The following SSBP2 variants were observed in gnomAD, a reference collection of about 807,000 sequenced individuals.
SSBP2 encodes single stranded DNA binding protein 2.
Under a neutral mutation model 61.8 loss-of-function variants are expected in SSBP2, and 17 were observed. The ratio of observed to expected loss-of-function variants is 0.28; its 90% CI spans 0.19 to 0.41. SSBP2 has a LOEUF of 0.41. Ranked by LOEUF, SSBP2 falls within the 10% of genes least tolerant of loss-of-function variation. The pLI is 1.00. For synonymous variants in SSBP2, 139 were observed against 141.3 expected, an observed-to-expected ratio of 0.98 and a Z score of 0.12; for missense variants, 310 against 458.7, an observed-to-expected ratio of 0.68 and a Z score of 2.96.
intron 4 of SSBP2, among the ~76,000 whole-genome samples, chr5:81,528,367 T>C (rs1470331943): frequency 6.6e-6 from 1 of 152,078 alleles, no homozygotes; most frequent in Non-Finnish European, 1.5e-5. Flanking sequence ...TAGTTGATAC[T>C]TGCTTCACTA....
intron 4 of SSBP2, among the ~76,000 whole-genome samples, chr5:81,602,194 C>A (rs1188135517): frequency 6.6e-6 from 1 of 152,094 alleles, no homozygotes; most frequent in Non-Finnish European, 1.5e-5. Context: ...TGTTTTCTGC[C>A]TACAGAAGTT....
rs759194938 is a variant in SSBP2 at position 81,650,330 on chromosome 5, G to C, written c.72C>G (p.Leu24=). ...CATGGAGCAGATATTCATATACGTA[G>C]AGTGCTAACCTGGAAAACAAATAAA... Residue 24 remains leucine (L), a synonymous_variant, in exon 2 of 17, where the codon CTC becomes CTG. Coordinates refer to ENST00000320672, the MANE Select transcript of SSBP2 (RefSeq NM_012446.5). 6 of 1,580,970 alleles carry C rather than the reference G, an allele frequency of 3.8e-6. No homozygotes were observed. In the South Asian group the frequency reaches 7.1e-5, roughly 19 times the overall value.
At chr5:81,572,107 G>C (rs1488789118) in intron 4 of SSBP2, among the ~76,000 whole-genome samples, 1 of 151,914 alleles carries the variant, frequency 6.6e-6, no homozygotes, top group South Asian at 2.1e-4. Flanking sequence ...TAATGAAAAG[G>C]GCATTTTACT....
chr5:81,591,709 T>C (rs1190479772), intron 4 of SSBP2, among the ~76,000 whole-genome samples: 2 of 151,434 alleles, frequency 1.3e-5, no homozygotes, highest in Admixed American at 1.3e-4. Context: ...ACCCTGGAAA[T>C]AGATTGAAAA....
At chr5:81,558,418 T>C (rs1465275334) in intron 4 of SSBP2, among the ~76,000 whole-genome samples, 1 of 152,246 alleles carries the variant, frequency 6.6e-6, no homozygotes. Flanking sequence ...CTTCCTATTG[T>C]ATCCTCACAC....
At chr5:81,700,477 G>C (rs1753908810) in intron 1 of SSBP2, among the ~76,000 whole-genome samples, 1 of 152,150 alleles carries the variant, frequency 6.6e-6, no homozygotes, top group South Asian at 2.1e-4. Flanking sequence ...AGGATTTTCA[G>C]AATAAGCATT....
At position 81,418,842 on chromosome 5, in the gene SSBP2, C is replaced by G. The variant is rs1053692092; in HGVS notation, c.*1662G>C. 1 of 152,150 alleles carries G rather than the reference C, an allele frequency of 6.6e-6. No individual in the cohort carries two copies. The highest frequency in any genetic ancestry group is 6.5e-5 in the Admixed American group (1 of 15,270). 9.4% of individuals were successfully genotyped at this position (152,150 alleles called of 1,614,324 possible). A position where few individuals can be genotyped will look rare whatever the true frequency, so the allele number is the denominator to read the frequency against. On this transcript the variant is annotated 3_prime_UTR_variant, in exon 17 of 17. Coordinates refer to ENST00000320672, the MANE Select transcript of SSBP2 (RefSeq NM_012446.5). ...TTGATTGGAATGTCATTATGAGCTG[C>G]ATGACTATATCCTGCCAAATTTTCA...
At chr5:81,491,930 C>T (rs1766884590) in intron 5 of SSBP2, among the ~76,000 whole-genome samples, 1 of 152,108 alleles carries the variant, frequency 6.6e-6, no homozygotes, top group Non-Finnish European at 1.5e-5. Flanking sequence ...AGATAACCAC[C>T]TAAGTCCTCA....
intron 4 of SSBP2, among the ~76,000 whole-genome samples, chr5:81,569,123 G>A (rs776104617): frequency 1.3e-5 from 2 of 152,084 alleles, no homozygotes; most frequent in African/African-American, 2.4e-5. Flanking sequence ...ATCTTTAATC[G>A]TATCTAATGA....
chr5:81,489,150 G>C, intron 6 of SSBP2, 100 bp downstream of exon 6: 1 of 1,122,120 alleles, frequency 8.9e-7, no homozygotes, highest in Non-Finnish European at 1.3e-6. Flanking sequence ...AAATGGGACA[G>C]AAAAAGGAGA....
At chr5:81,459,597 G>A (rs1052631332) in intron 10 of SSBP2, among the ~76,000 whole-genome samples, 10 of 152,214 alleles carry the variant, frequency 6.6e-5, no homozygotes, top group Non-Finnish European at 4.4e-5. Context: ...CATGAGACAT[G>A]CAGATAATGG....
At chr5:81,694,613 G>A (rs913860777) in intron 1 of SSBP2, among the ~76,000 whole-genome samples, 7 of 151,306 alleles carry the variant, frequency 4.6e-5, no homozygotes, top group Non-Finnish European at 1.0e-4. Context: ...TTTTTCCTGA[G>A]CCCCATTCAG....
At chr5:81,579,006 A>G (rs899157284) in intron 4 of SSBP2, among the ~76,000 whole-genome samples, 3 of 152,070 alleles carry the variant, frequency 2.0e-5, no homozygotes, top group Non-Finnish European at 4.4e-5. Flanking sequence ...TCCTGAAAGT[A>G]CTAGGAAATC....
rs1247960367 is a variant in SSBP2, at chr5:81,658,245, C to T, written c.63-7906G>A. Among the ~76,000 whole-genome samples the T allele has an allele frequency of 2.0e-5, 3 of 152,140 alleles. No homozygotes were observed. The East Asian group carries it at 5.8e-4, about 29-fold the overall frequency. On this transcript the variant is annotated intron_variant, in intron 1 of 16. Transcript: ENST00000320672. ...TCCCTACTGCCAGCCCGATGACCACCATTCTATGCTGCTTCTATGGCTTCA... is the reference window on the plus strand; with the variant it reads ...TCCCTACTGCCAGCCCGATGACCACTATTCTATGCTGCTTCTATGGCTTCA...
At chr5:81,678,812 T>C (rs1356367733) in intron 1 of SSBP2, among the ~76,000 whole-genome samples, 1 of 152,080 alleles carries the variant, frequency 6.6e-6, no homozygotes, top group Non-Finnish European at 1.5e-5. Flanking sequence ...GAATTCTATA[T>C]CCTGTGAAAT....
At chr5:81,724,719 G>A (rs1005282903) in intron 1 of SSBP2, among the ~76,000 whole-genome samples, 1 of 152,048 alleles carries the variant, frequency 6.6e-6, no homozygotes, top group Non-Finnish European at 1.5e-5. Flanking sequence ...GTAATATCGG[G>A]TTAGAAGAGC....
At chr5:81,587,108 A>G (rs1163975665) in intron 4 of SSBP2, among the ~76,000 whole-genome samples, 1 of 152,052 alleles carries the variant, frequency 6.6e-6, no homozygotes, top group African/African-American at 2.4e-5. Flanking sequence ...TGCTTAATAA[A>G]GTTTCACTAT....
At chr5:81,703,347 G>A (rs977885110) in intron 1 of SSBP2, among the ~76,000 whole-genome samples, 4 of 152,126 alleles carry the variant, frequency 2.6e-5, no homozygotes, top group African/African-American at 9.7e-5. Flanking sequence ...AAGATCTCCA[G>A]AGCTCAGGCA....
At chr5:81,458,295 G>C (rs1764304808) in intron 10 of SSBP2, among the ~76,000 whole-genome samples, 1 of 152,110 alleles carries the variant, frequency 6.6e-6, no homozygotes, top group Non-Finnish European at 1.5e-5. Context: ...CATCAGAATT[G>C]ATTTCCTTAT....
Sources: allele counts gnomAD v4.1 joint callset (sites outside exome capture counted in the v4.1 genomes callset), GRCh38; gene constraint gnomAD v4.1.1; transcripts MANE v1.5; gene names NCBI Gene and HGNC (gene_info 2026-07-23, HGNC 2026-07-21).